Variants in TAFA2 observed in about 807,000 individuals in gnomAD.
TAFA2 encodes the protein TAFA chemokine like family member 2, also known as chemokine-like protein TAFA-2.
A neutral mutation model predicts 18.8 loss-of-function variants in TAFA2; 7 were observed. That is an observed-to-expected ratio of 0.37 (90% confidence interval 0.21 to 0.70). The LOEUF is 0.70. TAFA2 is among the 30% of genes least tolerant of loss of function. The pLI is 0.53. For synonymous variants in TAFA2, 60 were observed against 54.2 expected (o/e 1.11, Z -0.47); for missense variants, 122 against 158.1 (o/e 0.77, Z 1.23).
chr12:61,807,142 G>A (rs1871651868), intron 2 of TAFA2, among the ~76,000 whole-genome samples: 1 of 151,288 alleles, frequency 6.6e-6, no homozygotes, highest in African/African-American at 2.5e-5. Flanking sequence ...CAGGCCAGGA[G>A]GTCTAGGAGG....
At chr12:62,185,409 T>C (rs1245931247) in intron 1 of TAFA2, among the ~76,000 whole-genome samples, 1 of 152,146 alleles carries the variant, frequency 6.6e-6, no homozygotes, top group Non-Finnish European at 1.5e-5. Flanking sequence ...GCTATTTCAC[T>C]CAATTTGACT....
chr12:61,763,389 T>C (rs1030760326), intron 2 of TAFA2, among the ~76,000 whole-genome samples: 1 of 151,998 alleles, frequency 6.6e-6, no homozygotes, highest in Non-Finnish European at 1.5e-5. Flanking sequence ...CCCCAGTCTC[T>C]TTTAAGAGAA....
intron 1 of TAFA2, among the ~76,000 whole-genome samples, chr12:61,902,862 C>G (rs1388899475): frequency 6.6e-6 from 1 of 151,662 alleles, no homozygotes; most frequent in Admixed American, 6.6e-5. Context: ...TACGATCCCT[C>G]TCCCATTCTT....
At chr12:61,855,029 C>T (rs1417474795) in intron 2 of TAFA2, among the ~76,000 whole-genome samples, 1 of 152,192 alleles carries the variant, frequency 6.6e-6, no homozygotes, top group Admixed American at 6.5e-5. Flanking sequence ...CAGTGACTCA[C>T]AGGGCAGACA....
At chr12:61,764,407 A>G (rs189323371) in intron 2 of TAFA2, among the ~76,000 whole-genome samples, 11 of 152,182 alleles carry the variant, frequency 7.2e-5, no homozygotes, top group Admixed American at 2.6e-4. Flanking sequence ...AAGCATTCCT[A>G]GGAAGGAGTG....
intron 2 of TAFA2, among the ~76,000 whole-genome samples, chr12:61,856,592 T>C (rs1190337962): frequency 6.6e-6 from 1 of 152,076 alleles, no homozygotes; most frequent in African/African-American, 2.4e-5. Flanking sequence ...CATTTTAACA[T>C]GTATAAATGT....
chr12:62,066,377 G>T (rs1181890758), intron 1 of TAFA2, among the ~76,000 whole-genome samples: 1 of 151,492 alleles, frequency 6.6e-6, no homozygotes. Flanking sequence ...GCTAACAAAC[G>T]CTAGGTCTTA....
At chr12:61,712,596 T>C (rs1476556641) in intron 4 of TAFA2, among the ~76,000 whole-genome samples, 2 of 152,224 alleles carry the variant, frequency 1.3e-5, no homozygotes, top group East Asian at 3.9e-4. Flanking sequence ...TCAGCTAACA[T>C]AATTGCTAGA....
chr12:61,821,762 T>C (rs1472443555), intron 2 of TAFA2, among the ~76,000 whole-genome samples: 1 of 152,148 alleles, frequency 6.6e-6, no homozygotes. Flanking sequence ...TTTTAAAAAA[T>C]TTCTGCTGTG....
chr12:62,006,856 C>G (rs1014383521), intron 1 of TAFA2, among the ~76,000 whole-genome samples: 28 of 152,312 alleles, frequency 1.8e-4, no homozygotes, highest in Admixed American at 7.8e-4. Context: ...AGACAGATCC[C>G]TAACTCATCA....
intron 1 of TAFA2, among the ~76,000 whole-genome samples, chr12:61,894,517 A>G (rs1875760612): frequency 6.6e-6 from 1 of 152,222 alleles, no homozygotes; most frequent in Admixed American, 6.5e-5. Flanking sequence ...GCACAAAGAC[A>G]AACAGTAAAG....
intron 1 of TAFA2, among the ~76,000 whole-genome samples, chr12:61,868,379 C>T (rs1262311132): frequency 1.3e-5 from 2 of 152,054 alleles, no homozygotes; most frequent in African/African-American, 4.8e-5. Flanking sequence ...AAATCAAGTC[C>T]ATCTCCATTT....
intron 1 of TAFA2, among the ~76,000 whole-genome samples, chr12:62,088,665 A>G (rs1334186561): frequency 1.3e-5 from 2 of 151,992 alleles, no homozygotes; most frequent in Admixed American, 6.6e-5. Context: ...AAAAGCATCA[A>G]AAATGAAGAA....
intron 2 of TAFA2, among the ~76,000 whole-genome samples, chr12:61,795,769 A>G (rs1416766032): frequency 4.0e-5 from 6 of 151,892 alleles, no homozygotes; most frequent in Non-Finnish European, 8.8e-5. Flanking sequence ...ATGCAAAAAA[A>G]TAAATAAATA....
intron 1 of TAFA2, among the ~76,000 whole-genome samples, chr12:62,199,529 G>A (rs1448426212): frequency 1.3e-5 from 2 of 151,960 alleles, no homozygotes; most frequent in African/African-American, 4.8e-5. Flanking sequence ...TCCCTGCAAA[G>A]GACATGATCT....
chr12:62,101,436 A>G (rs1194795049), intron 1 of TAFA2, among the ~76,000 whole-genome samples: 1 of 152,182 alleles, frequency 6.6e-6, no homozygotes, highest in African/African-American at 2.4e-5. Context: ...TTACCTGGAG[A>G]TGCACACTCA....
At chr12:61,713,803 G>A (rs189303239) in intron 4 of TAFA2, among the ~76,000 whole-genome samples, 43 of 152,138 alleles carry the variant, frequency 2.8e-4, no homozygotes, top group African/African-American at 9.6e-4. Context: ...GGCATGCTGG[G>A]GGGGAAACAT....
rs140549117 is a variant in TAFA2, at chr12:61,921,337, G to A, written c.-1-53911C>T. On this transcript the variant is annotated intron_variant, in intron 1 of 4. Coordinates refer to ENST00000416284, the MANE Select transcript of TAFA2 (RefSeq NM_178539.5). ...CCAGAGTGGTAGCAGTGGAAGTGAT[G>A]AGAAGTGTCCACTTACAGGATGTAA... is the stretch of plus-strand genomic sequence containing the variant. Among the ~76,000 whole-genome samples the A allele has an allele frequency of 9.0e-3, 1,363 of 152,282 alleles. 8 individuals carry two copies. Among genetic ancestry groups the A allele is most frequent in the Non-Finnish European group, 0.013 (907 of 68,022 alleles).
At chr12:62,187,976 A>G (rs548613050) in intron 1 of TAFA2, among the ~76,000 whole-genome samples, 35 of 152,350 alleles carry the variant, frequency 2.3e-4, no homozygotes, top group African/African-American at 7.9e-4. Flanking sequence ...TAAATTCACC[A>G]TATTACATGG....
Sources: gnomAD v4.1 joint callset for allele counts (sites outside exome capture counted in the v4.1 genomes callset) on GRCh38, gnomAD v4.1.1 for gene constraint, MANE v1.5 for transcripts, NCBI Gene and HGNC (gene_info 2026-07-23, HGNC 2026-07-21) for gene names.